The following CGGBP1 variants were observed in gnomAD, a reference collection of about 807,000 sequenced individuals.
CGGBP1 encodes the protein CGG triplet repeat-binding protein 1.
CGGBP1 carries 4 observed loss-of-function variants against 11.4 expected under a neutral mutation model. The ratio of observed to expected loss-of-function variants is 0.35; its 90% confidence interval spans 0.17 to 0.80. The LOEUF (loss-of-function observed/expected upper bound fraction) is 0.80, where lower values mean the gene tolerates loss of function less well. Ranked by LOEUF, CGGBP1 falls within the 30% of genes least tolerant of loss-of-function variation. CGGBP1 has a pLI of 0.52. For missense variants in CGGBP1, 135 were observed against 202.1 expected, an observed-to-expected ratio of 0.67 and a Z score of 2.01; for synonymous variants, 76 against 74.1, an observed-to-expected ratio of 1.03 and a Z score of -0.13.
intron 2 of CGGBP1, among the ~76,000 whole-genome samples, chr3:88,109,054 A>T (rs1168127694): frequency 6.6e-6 from 1 of 151,778 alleles, no homozygotes; most frequent in Non-Finnish European, 1.5e-5. Context: ...AAATTGATGA[A>T]AATTGGGTTA....
intron 2 of CGGBP1, among the ~76,000 whole-genome samples, chr3:88,115,631 C>T (rs1283884660): frequency 5.3e-5 from 8 of 152,098 alleles, no homozygotes; most frequent in African/African-American, 1.7e-4. Context: ...CTGAGTTGTT[C>T]AAGTAGAAAT....
intron 2 of CGGBP1, among the ~76,000 whole-genome samples, chr3:88,077,222 C>T (rs1158977003): frequency 6.6e-6 from 1 of 152,120 alleles, no homozygotes; most frequent in Non-Finnish European, 1.5e-5. Context: ...GTTGTTTAGC[C>T]TTCTCAACTC....
At chr3:88,139,513 C>A in intron 2 of CGGBP1, 1 of 1,613,436 alleles carries the variant, frequency 6.2e-7, no homozygotes. Flanking sequence ...GAAGTCACTG[C>A]TTTGGAAGAA....
At chr3:88,069,172 A>C (rs796874041) in intron 2 of CGGBP1, among the ~76,000 whole-genome samples, 11 of 152,292 alleles carry the variant, frequency 7.2e-5, no homozygotes, top group African/African-American at 2.6e-4. Flanking sequence ...CTGTAATCCC[A>C]GTACTTTGGG....
chr3:88,113,600 T>G (rs78717784), intron 2 of CGGBP1, among the ~76,000 whole-genome samples: 1 of 152,092 alleles, frequency 6.6e-6, no homozygotes, highest in African/African-American at 2.4e-5. Context: ...GATTTTTTTT[T>G]ATTTTTGGGC....
intron 2 of CGGBP1, among the ~76,000 whole-genome samples, chr3:88,107,978 GTTC>G (rs1479894773): frequency 2.0e-5 from 3 of 151,466 alleles, no homozygotes; most frequent in African/African-American, 7.3e-5. Context: ...GGTTTTTATT[GTTC>G]TTATCATTTT....
Position 88,111,640 on chromosome 3 carries a change from AT to A in CGGBP1, c.-229+29329del, listed in dbSNP as rs1488914422. ...TTCCAGTTTTTTGCTTCTATAAACC[AT>A]TTGTAATGTATATTGTTGTTTCTGT... On this transcript the variant is annotated intron_variant, in intron 2 of 3. Coordinates refer to the CGGBP1 transcript ENST00000462901. Among the ~76,000 whole-genome samples the A allele has an allele frequency of 3.3e-5, 5 of 151,980 alleles. No individual in the cohort carries two copies. The East Asian group carries it at 9.6e-4, about 29-fold the overall frequency.
intron 2 of CGGBP1, among the ~76,000 whole-genome samples, chr3:88,093,516 G>A (rs1382059276): frequency 6.6e-6 from 1 of 152,122 alleles, no homozygotes; most frequent in Non-Finnish European, 1.5e-5. Flanking sequence ...TGTGTGCACT[G>A]GCAAAGACTA....
intron 1 of CGGBP1, chr3:88,143,610 T>G (rs554345934): frequency 6.6e-6 from 1 of 152,306 alleles, no homozygotes; most frequent in Non-Finnish European, 1.5e-5. Flanking sequence ...ACAATTGATA[T>G]AAATCCATGC....
intron 2 of CGGBP1, among the ~76,000 whole-genome samples, chr3:88,069,431 G>A (rs1707383690): frequency 6.6e-6 from 1 of 152,060 alleles, no homozygotes; most frequent in Non-Finnish European, 1.5e-5. Context: ...CAAAAAAAAA[G>A]AAAGTGATTC....
At chr3:88,145,894 T>A (rs1707304694) in intron 1 of CGGBP1, among the ~76,000 whole-genome samples, 1 of 152,214 alleles carries the variant, frequency 6.6e-6, no homozygotes, top group Non-Finnish European at 1.5e-5. Flanking sequence ...ATTAAAATCA[T>A]ACAGCTAATA....
chr3:88,132,190 C>T (rs886113601), intron 2 of CGGBP1, among the ~76,000 whole-genome samples: 5 of 151,984 alleles, frequency 3.3e-5, no homozygotes, highest in Non-Finnish European at 7.4e-5. Flanking sequence ...AGGCAGTCTT[C>T]CAGCCTCTGC....
At chr3:88,088,753 TATGTATGTATGGATGGATGGATGG>T (rs1329306769) in intron 2 of CGGBP1, among the ~76,000 whole-genome samples, 1 of 118,078 alleles carries the variant, frequency 8.5e-6, no homozygotes, top group African/African-American at 2.9e-5. Flanking sequence ...TTTATGTATG[TATGTATGTATGGATGGATGGATGG>T]ATGGATGGAT....
At chr3:88,093,425 G>A (rs994568980) in intron 2 of CGGBP1, among the ~76,000 whole-genome samples, 1 of 152,166 alleles carries the variant, frequency 6.6e-6, no homozygotes, top group Non-Finnish European at 1.5e-5. Flanking sequence ...GGTGAGTTAT[G>A]GGACAGCAGG....
chr3:88,079,619 T>C (rs1392385880), intron 2 of CGGBP1, among the ~76,000 whole-genome samples: 1 of 151,960 alleles, frequency 6.6e-6, no homozygotes, highest in African/African-American at 2.4e-5. Context: ...TCTCTGGGAG[T>C]GATACTGTAA....
In CGGBP1 at chr3:88,145,649, T is replaced by C. The variant is rs563379267; in HGVS notation, c.-338+4062A>G. On this transcript the variant is annotated intron_variant, in intron 1 of 3. Coordinates refer to the CGGBP1 transcript ENST00000462901. Reference sequence around the variant, plus strand: ...ATAATATCTGTACTGATACCAAGAATCAATTGATAAAACAGGGACAGATGT... The same window carrying C: ...ATAATATCTGTACTGATACCAAGAACCAATTGATAAAACAGGGACAGATGT... Among the ~76,000 whole-genome samples the C allele has an allele frequency of 3.9e-5, 6 of 152,246 alleles. No homozygotes were observed. In the East Asian group the frequency reaches 1.2e-3, roughly 29 times the overall value.
intron 1 of CGGBP1, among the ~76,000 whole-genome samples, chr3:88,146,202 TAAC>T (rs1447375931): frequency 1.3e-5 from 2 of 152,216 alleles, no homozygotes; most frequent in East Asian, 1.9e-4. Context: ...CCATCTGGCT[TAAC>T]AAATCCTCCA....
At chr3:88,057,625 G>A (rs1706586215) in intron 2 of CGGBP1, 1 of 152,292 alleles carries the variant, frequency 6.6e-6, no homozygotes, top group East Asian at 1.9e-4. Context: ...AGTTGTGGTA[G>A]ATATTAAATA....
chr3:88,094,775 C>T (rs945977761), intron 2 of CGGBP1, among the ~76,000 whole-genome samples: 1 of 151,938 alleles, frequency 6.6e-6, no homozygotes, highest in African/African-American at 2.4e-5. Flanking sequence ...TAAAAAACTA[C>T]AGAGCTGAAC....
Sources: allele counts gnomAD v4.1 joint callset (sites outside exome capture counted in the v4.1 genomes callset), GRCh38; gene constraint gnomAD v4.1.1; transcripts MANE v1.5; gene names NCBI Gene and HGNC (gene_info 2026-07-23, HGNC 2026-07-21).